The following CACNA1G variants were observed in gnomAD, a reference collection of about 807,000 sequenced individuals.
The protein encoded by CACNA1G is calcium voltage-gated channel subunit alpha1 G, also known as voltage-dependent T-type calcium channel subunit alpha-1G.
In CACNA1G, 67 loss-of-function variants were observed where a neutral mutation model predicts 219.4. The ratio of observed to expected loss-of-function variants is 0.31; its 90% confidence interval spans 0.25 to 0.37. CACNA1G has a LOEUF of 0.37. Among genes scored for constraint, CACNA1G ranks in the 10% least tolerant of loss-of-function variants. The pLI is 1.00. For missense variants in CACNA1G, 2,380 were observed against 3,231.4 expected (o/e 0.74, Z 6.39); for synonymous variants, 1,296 against 1,345.3 (o/e 0.96, Z 0.80).
chr17:50,615,595 G>T, intron 27 of CACNA1G, 83 bp downstream of exon 27: 1 of 1,488,554 alleles, frequency 6.7e-7, no homozygotes, highest in East Asian at 2.4e-5. Context: ...CCTGAGCCAG[G>T]GTACCTCTGT....
At chr17:50,609,204 G>A (rs2048637379) in intron 25 of CACNA1G, among the ~76,000 whole-genome samples, 1 of 152,144 alleles carries the variant, frequency 6.6e-6, no homozygotes, top group Admixed American at 6.5e-5. Context: ...CTCTGAGGCG[G>A]GGGGAGAGTG....
Position 50,617,390 on chromosome 17 carries a change from C to T in CACNA1G, c.5022-48C>T. The T allele has an allele frequency of 6.3e-7, 1 of 1,577,926 alleles. No homozygotes were observed. Among genetic ancestry groups the T allele is most frequent in the South Asian group, 1.2e-5 (1 of 86,020 alleles). ...TCTGTGCCACGACTGCCCCCTCCTT[C>T]AGGAACCCCCTCCCCCAACTCAGGG... On this transcript the variant is annotated intron_variant, in intron 28 of 37. Transcript: ENST00000359106. This position sits in a 1 kb window ranked among gnomAD's most constrained non-coding sequence, Gnocchi z 5.8.
In CACNA1G at chr17:50,603,093, C is replaced by T. The variant is rs746441009; in HGVS notation, c.4063C>T (p.Leu1355Phe). 5 of 1,613,418 alleles carry T rather than the reference C, an allele frequency of 3.1e-6. No individual in the cohort carries two copies. The highest frequency in any genetic ancestry group is 2.7e-5 in the African/African-American group (2 of 74,852). The change falls in exon 21 of 38, where the codon CTC becomes TTC. Residue 1355 changes from leucine (L) to phenylalanine (F), a missense_variant. Physicochemically the swap from Leu to Phe is conservative, Grantham distance 22. This residue lies in a region of CACNA1G where 153 missense variants were observed against 374.9 expected (regional missense o/e 0.41). Transcript: ENST00000359106. This position sits in a 1 kb window ranked among gnomAD's most constrained non-coding sequence, Gnocchi z 6.4. ...SWNVLDGLLVLISVIDILVSM... is the reference protein window; with the variant it reads ...SWNVLDGLLVFISVIDILVSM... ...GAACGTGCTGGACGGGCTGTTGGTG[C>T]TCATCTCCGTCATCGACATTCTGGT...
rs2047260423 is a variant in CACNA1G at position 50,603,608 on chromosome 17, C to A, written c.4169+409C>A. On this transcript the variant is annotated intron_variant, in intron 21 of 37. Coordinates refer to ENST00000359106, the MANE Select transcript of CACNA1G (RefSeq NM_018896.5). The surrounding 1 kb of genome is among the most constrained non-coding windows in gnomAD (Gnocchi z 6.4). ...GGCTCCTCTTGCTGGCTTTCCCCATCTTCAGGCGCCTGCCAGTGACCACCC... is the reference window on the plus strand; with the variant it reads ...GGCTCCTCTTGCTGGCTTTCCCCATATTCAGGCGCCTGCCAGTGACCACCC... 6.6e-6 allele frequency among the ~76,000 whole-genome samples: 1 copy of A among 152,108 alleles called. No individual in the cohort carries two copies. Among genetic ancestry groups the A allele is most frequent in the Admixed American group, 6.5e-5 (1 of 15,276 alleles).
At chr17:50,589,910 C>CTGTGTGTG (rs1433425710) in intron 9 of CACNA1G, among the ~76,000 whole-genome samples, 10 of 146,378 alleles carry the variant, frequency 6.8e-5, no homozygotes, top group African/African-American at 2.7e-4. Context: ...CTCTCTCTCT[C>CTGTGTGTG]TCTGTGTGTG....
chr17:50,618,708 G>C lies in CACNA1G; in HGVS notation c.5481G>C (p.Ser1827=). ...CCACCTGCTACAACACGGTCATCTC[G>C]CCTATCTACTTTGTGTCCTTCGTGC... ...QESTCYNTVI[S]PIYFVSFVLT... Residue 1827 remains serine, a synonymous_variant, in exon 33 of 38, where the codon TCG becomes TCC. Transcript: ENST00000359106. The surrounding 1 kb of genome is among the most constrained non-coding windows in gnomAD (Gnocchi z 5.3). 2 of 1,613,948 alleles carry C rather than the reference G, an allele frequency of 1.2e-6. No individual in the cohort carries two copies. The highest frequency in any genetic ancestry group is 2.2e-5 in the South Asian group (2 of 91,082).
In CACNA1G at chr17:50,626,846, C is replaced by T. The variant is rs766071777; in HGVS notation, c.*95C>T. On this transcript the variant is annotated 3_prime_UTR_variant, in exon 38 of 38. Transcript: ENST00000359106. The surrounding 1 kb of genome is among the most constrained non-coding windows in gnomAD (Gnocchi z 4.3). ...ATTCCTGACAAAAGTTCCATATAGA[C>T]ACCAAGGAGGCGGAGGCGCTCCTCC... 2.6e-6 allele frequency: 4 copies of T among 1,526,578 alleles called. No individual in the cohort carries two copies. The highest frequency in any genetic ancestry group is 2.7e-6 in the Non-Finnish European group (3 of 1,102,116). The allele number at this position is 1,526,578 out of a possible 1,614,324, so 94.6% of individuals were successfully genotyped here.
rs1210692078 is a variant in CACNA1G at position 50,617,011 on chromosome 17, T to TTTTTTA, written c.5022-414_5022-409dup. ...ACCCACTGCCACACGCAGCTAATTATTTTTTATTTTTATTTTTAGTAGATA... is the reference window on the plus strand; with the variant it reads ...ACCCACTGCCACACGCAGCTAATTATTTTTTATTTTTATTTTTATTTTTAGTAGATA... On this transcript the variant is annotated intron_variant, in intron 28 of 37. Coordinates refer to ENST00000359106, the MANE Select transcript of CACNA1G (RefSeq NM_018896.5). The surrounding 1 kb of genome is among the most constrained non-coding windows in gnomAD (Gnocchi z 5.8). Among the ~76,000 whole-genome samples, 1 of 152,088 alleles carries TTTTTTA rather than the reference T, an allele frequency of 6.6e-6. No individual in the cohort carries two copies.
At chr17:50,592,116 C>T (rs749362220) in intron 13 of CACNA1G, 24 bp downstream of exon 13, 13 of 1,596,052 alleles carry the variant, frequency 8.1e-6, no homozygotes, top group Admixed American at 6.8e-5. Flanking sequence ...CTGCCCACCT[C>T]ACCCTGCCCA....
At position 50,626,310 on chromosome 17, in the gene CACNA1G, T is replaced by G; in HGVS notation, c.6693T>G (p.Pro2231=). ...LSWISGDLLP[P]GGQEEPPSPR... is the part of the protein sequence containing the mutation. ...GGATTTCAGGAGACCTCCTGCCCCC[T>G]GGCGGCCAGGAGGAGCCCCCATCCC... The change falls in exon 38 of 38, where the codon CCT becomes CCG. Residue 2231 remains proline (P), a synonymous_variant. Transcript: ENST00000359106. The surrounding 1 kb of genome is among the most constrained non-coding windows in gnomAD (Gnocchi z 4.3). The G allele has an allele frequency of 6.2e-7, 1 of 1,613,324 alleles. No individual in the cohort carries two copies. The highest frequency in any genetic ancestry group is 8.5e-7 in the Non-Finnish European group (1 of 1,179,792).
At position 50,600,067 on chromosome 17, in the gene CACNA1G, G is replaced by A. The variant is rs982039970; in HGVS notation, c.3690+208G>A. 4.6e-5 allele frequency among the ~76,000 whole-genome samples: 7 copies of A among 152,198 alleles called. No homozygotes were observed. Among genetic ancestry groups the A allele is most frequent in the African/African-American group, 1.2e-4 (5 of 41,452 alleles). On this transcript the variant is annotated intron_variant, in intron 17 of 37. Transcript: ENST00000359106. The surrounding 1 kb of genome is among the most constrained non-coding windows in gnomAD (Gnocchi z 4.1). Reference sequence around the variant, plus strand: ...TTGTCATGCCTATGCCTGGGGCTGCGGCTCTGCCACCCTTGGTGGATATGA... The same window carrying A: ...TTGTCATGCCTATGCCTGGGGCTGCAGCTCTGCCACCCTTGGTGGATATGA...
Position 50,600,856 on chromosome 17 carries a change from G to T in CACNA1G, c.3791+30G>T. Reference sequence around the variant, plus strand: ...GTGACAGGGCAGGGGTCTGACCTGTGTCCCGACCTCTTCTTCTCACGGGAA... The same window carrying T: ...GTGACAGGGCAGGGGTCTGACCTGTTTCCCGACCTCTTCTTCTCACGGGAA... On this transcript the variant is annotated intron_variant, in intron 18 of 37. Coordinates refer to ENST00000359106, the MANE Select transcript of CACNA1G (RefSeq NM_018896.5). This position sits in a 1 kb window ranked among gnomAD's most constrained non-coding sequence, Gnocchi z 4.1. 1 of 1,586,076 alleles carries T rather than the reference G, an allele frequency of 6.3e-7. No homozygotes were observed. The highest frequency in any genetic ancestry group is 8.7e-7 in the Non-Finnish European group (1 of 1,154,820).
In CACNA1G at chr17:50,594,939, G is replaced by A; in HGVS notation, c.2911-54G>A. ...TCTCTCGACACTGCCGATATCTGAAGGCCCCGAGCGCCTGTGACCAGCAGC... is the reference window on the plus strand; with the variant it reads ...TCTCTCGACACTGCCGATATCTGAAAGCCCCGAGCGCCTGTGACCAGCAGC... On this transcript the variant is annotated intron_variant, in intron 13 of 37. Transcript: ENST00000359106. 5 of 1,373,220 alleles carry A rather than the reference G, an allele frequency of 3.6e-6. No homozygotes were observed. The South Asian group carries it at 5.0e-5, about 14-fold the overall frequency. 85.1% of individuals were successfully genotyped at this position (1,373,220 alleles called of 1,614,324 possible). A position where few individuals can be genotyped will look rare whatever the true frequency, so the allele number is the denominator to read the frequency against.
rs1175802802 is a variant in CACNA1G at position 50,600,331 on chromosome 17, C to A, written c.3691-395C>A. Among the ~76,000 whole-genome samples, 1 of 152,170 alleles carries A rather than the reference C, an allele frequency of 6.6e-6. No individual in the cohort carries two copies. The highest frequency in any genetic ancestry group is 6.5e-5 in the Admixed American group (1 of 15,286). On this transcript the variant is annotated intron_variant, in intron 17 of 37. Transcript: ENST00000359106. This position sits in a 1 kb window ranked among gnomAD's most constrained non-coding sequence, Gnocchi z 4.1. The stretch of plus-strand genomic sequence containing the variant: ...CAGGGTTAGCATGTGAAGAGCAGGG[C>A]CAGTGTCTCCTCAGCTGAGGTGTGT...
At chr17:50,623,758 T>TGCTCATGCCCATCTCTACCTTGTCCTG in intron 35 of CACNA1G, 149 bp from the exon 36 acceptor site, 2 of 755,808 alleles carry the variant, frequency 2.6e-6, no homozygotes, top group South Asian at 3.6e-5. Flanking sequence ...TCCCCAGCCA[T>TGCTCATGCCCATCTCTACCTTGTCCTG]GCTCATGCCC....
In CACNA1G at chr17:50,591,787, T is replaced by C. The variant is rs2044398609; in HGVS notation, c.2688T>C (p.Asp896=). ...GCTGCAAGTTTGCCTCTGAGCGGGA[T>C]GGGGACACCCTGCCAGACCGGAAGA... ...LFGCKFASER[D]GDTLPDRKNF... is the part of the protein sequence containing the mutation. The change falls in exon 12 of 38, where the codon GAT becomes GAC. Residue 896 remains aspartate (D), a synonymous_variant. Coordinates refer to ENST00000359106, the MANE Select transcript of CACNA1G (RefSeq NM_018896.5). 2 of 1,613,810 alleles carry C rather than the reference T, an allele frequency of 1.2e-6. No homozygotes were observed. The highest frequency in any genetic ancestry group is 2.7e-5 in the African/African-American group (2 of 74,886).
At position 50,611,247 on chromosome 17, in the gene CACNA1G, C is replaced by T. The variant is rs530184268; in HGVS notation, c.4759+1312C>T. Among the ~76,000 whole-genome samples the T allele has an allele frequency of 3.9e-4, 33 of 85,340 alleles. No homozygotes were observed. In the South Asian group the frequency reaches 0.017, roughly 44 times the overall value. 56.0% of individuals were successfully genotyped at this position (85,340 alleles called of 152,430 possible). Reference sequence around the variant, plus strand: ...CCAGCCTGGGTGACAGAGCGAGACTCCATTTAAAAAAAAAAAAAAAAAAAG... The same window carrying T: ...CCAGCCTGGGTGACAGAGCGAGACTTCATTTAAAAAAAAAAAAAAAAAAAG... On this transcript the variant is annotated intron_variant, in intron 26 of 37. Coordinates refer to ENST00000359106, the MANE Select transcript of CACNA1G (RefSeq NM_018896.5).
In CACNA1G at chr17:50,590,615, G is replaced by A; in HGVS notation, c.2446G>A (p.Val816Ile). Residue 816 changes from valine to isoleucine, a missense_variant, in exon 10 of 38, where the codon GTC becomes ATC. Val to Ile is a conservative substitution (Grantham distance 29). Coordinates refer to ENST00000359106, the MANE Select transcript of CACNA1G (RefSeq NM_018896.5). ...PYNIFDGVIV[V>I]ISVWEIVGQQ... ...CAACATCTTCGATGGTGTCATTGTG[G>A]TCATCAGGTATGACTACCCCCCGGC... 6.2e-7 allele frequency: 1 copy of A among 1,613,732 alleles called. No individual in the cohort carries two copies. Among genetic ancestry groups the A allele is most frequent in the South Asian group, 1.1e-5 (1 of 91,054 alleles).
Position 50,603,338 on chromosome 17 carries a change from T to C in CACNA1G, c.4169+139T>C. ...TGTCTGTGACCCCCACAGGCGATCC[T>C]GTCCCCGCCCCAGACAACACTCAGA... On this transcript the variant is annotated intron_variant, in intron 21 of 37. Coordinates refer to ENST00000359106, the MANE Select transcript of CACNA1G (RefSeq NM_018896.5). This position sits in a 1 kb window ranked among gnomAD's most constrained non-coding sequence, Gnocchi z 6.4. 4 of 706,976 alleles carry C rather than the reference T, an allele frequency of 5.7e-6. No homozygotes were observed. Among genetic ancestry groups the C allele is most frequent in the Non-Finnish European group, 9.3e-6 (4 of 428,094 alleles). 43.8% of individuals were successfully genotyped at this position (706,976 alleles called of 1,614,324 possible).
Sources: gnomAD v4.1 joint callset for allele counts (sites outside exome capture counted in the v4.1 genomes callset) on GRCh38, gnomAD v4.1.1 for gene constraint, gnomAD v4.1.1 regional missense constraint, Gnocchi (gnomAD v3.1) non-coding constraint, MANE v1.5 for transcripts, NCBI Gene and HGNC (gene_info 2026-07-23, HGNC 2026-07-21) for gene names.